The following AKAP19 variants were observed in gnomAD, a reference collection of about 807,000 sequenced individuals.
AKAP19 encodes the protein small A-kinase anchoring protein.
chr2:189,973,645 A>G, the AKAP19 span, among the ~76,000 whole-genome samples: 3 of 152,122 alleles, frequency 2.0e-5, no homozygotes, highest in Admixed American at 6.5e-5. Flanking sequence ...GCTATTAAGT[A>G]TTGCCTCAAT....
the AKAP19 span, among the ~76,000 whole-genome samples, chr2:189,954,918 C>A: frequency 6.6e-6 from 1 of 152,056 alleles, no homozygotes; most frequent in Non-Finnish European, 1.5e-5. Flanking sequence ...TATCTTTAAA[C>A]TATTCAGTTA....
At chr2:190,179,136 G>C in the AKAP19 span, among the ~76,000 whole-genome samples, 1 of 152,092 alleles carries the variant, frequency 6.6e-6, no homozygotes, top group African/African-American at 2.4e-5. This position sits in a 1 kb window ranked among gnomAD's most constrained non-coding sequence, Gnocchi z 6.0. Context: ...GGCTGGGTGC[G>C]GTGGCTCACA....
the AKAP19 span, among the ~76,000 whole-genome samples, chr2:190,038,913 C>CTTT: frequency 2.6e-5 from 3 of 113,656 alleles, no homozygotes; most frequent in Admixed American, 8.4e-5. Flanking sequence ...TCTTCTTCTT[C>CTTT]TTCTTCTTCT....
At chr2:190,140,181 G>T in the AKAP19 span, among the ~76,000 whole-genome samples, 180 of 152,292 alleles carry the variant, frequency 1.2e-3, no homozygotes, top group African/African-American at 4.1e-3. Context: ...GTCTTGGTTA[G>T]CTCTACCCCT....
At chr2:190,099,952 T>C in the AKAP19 span, among the ~76,000 whole-genome samples, 1 of 152,106 alleles carries the variant, frequency 6.6e-6, no homozygotes, top group Admixed American at 6.6e-5. Context: ...AAAGGAAACT[T>C]CAAGTCAGAG....
the AKAP19 span, among the ~76,000 whole-genome samples, chr2:190,198,084 TTTAAAA>T: frequency 6.6e-6 from 1 of 152,170 alleles, no homozygotes. Flanking sequence ...TTGTTTCCCT[TTTAAAA>T]TTAACATCTC....
At chr2:190,041,711 G>A in the AKAP19 span, among the ~76,000 whole-genome samples, 1 of 152,224 alleles carries the variant, frequency 6.6e-6, no homozygotes, top group South Asian at 2.1e-4. Context: ...TTTATTGAGA[G>A]TTTTTATGTT....
chr2:190,048,955 A>C, the AKAP19 span, among the ~76,000 whole-genome samples: 1 of 152,206 alleles, frequency 6.6e-6, no homozygotes, highest in East Asian at 1.9e-4. Context: ...AAAGTATTAA[A>C]ATAAAATATA....
the AKAP19 span, among the ~76,000 whole-genome samples, chr2:190,162,291 T>G: frequency 6.6e-6 from 1 of 152,154 alleles, no homozygotes; most frequent in Non-Finnish European, 1.5e-5. Context: ...CATATTAATT[T>G]TATAACTTTC....
At chr2:190,062,171 C>T in the AKAP19 span, 1 of 1,597,792 alleles carries the variant, frequency 6.3e-7, no homozygotes, top group South Asian at 1.1e-5. Context: ...TTCTCATAAA[C>T]ACTAGAACAA....
chr2:190,129,552 A>G, the AKAP19 span, among the ~76,000 whole-genome samples: 1 of 151,756 alleles, frequency 6.6e-6, no homozygotes, highest in South Asian at 2.1e-4. Flanking sequence ...CACAATACTG[A>G]AAAATGAAAG....
the AKAP19 span, among the ~76,000 whole-genome samples, chr2:189,921,342 G>A: frequency 1.3e-5 from 2 of 152,162 alleles, no homozygotes; most frequent in African/African-American, 4.8e-5. Context: ...AGAATAAAAT[G>A]GTCAGCTGTG....
chr2:189,989,653 A>C, the AKAP19 span, among the ~76,000 whole-genome samples: 1 of 152,288 alleles, frequency 6.6e-6, no homozygotes, highest in East Asian at 1.9e-4. Flanking sequence ...TTCTCCTAAT[A>C]ATACAACTAT....
At chr2:190,037,251 A>C in the AKAP19 span, among the ~76,000 whole-genome samples, 2 of 152,240 alleles carry the variant, frequency 1.3e-5, no homozygotes, top group Non-Finnish European at 2.9e-5. Flanking sequence ...ACACAGTCCC[A>C]CAGTAATATT....
chr2:189,975,928 A>G, the AKAP19 span, among the ~76,000 whole-genome samples: 1 of 152,096 alleles, frequency 6.6e-6, no homozygotes, highest in Admixed American at 6.6e-5. Context: ...TTGGGTTCAG[A>G]CTTCCTCCTT....
At chr2:189,900,243 G>A in the AKAP19 span, among the ~76,000 whole-genome samples, 1 of 151,604 alleles carries the variant, frequency 6.6e-6, no homozygotes, top group Admixed American at 6.6e-5. Context: ...ATGCCCATTT[G>A]TTTGTTTCTT....
At chr2:189,960,265 C>A in the AKAP19 span, among the ~76,000 whole-genome samples, 3 of 152,092 alleles carry the variant, frequency 2.0e-5, no homozygotes, top group Admixed American at 6.5e-5. Flanking sequence ...AATATACATA[C>A]AAAAGACAAC....
At chr2:190,115,305 T>A in the AKAP19 span, among the ~76,000 whole-genome samples, 662 of 8,622 alleles carry the variant, frequency 0.077, no homozygotes, top group African/African-American at 0.096. Flanking sequence ...ATATATATTT[T>A]TTTTTTTTTT....
the AKAP19 span, among the ~76,000 whole-genome samples, chr2:190,044,608 G>C: frequency 6.6e-6 from 1 of 152,122 alleles, no homozygotes; most frequent in East Asian, 1.9e-4. Flanking sequence ...GCTCTGGTGG[G>C]GGGTGACTGG....
Sources: allele counts gnomAD v4.1 joint callset (sites outside exome capture counted in the v4.1 genomes callset), GRCh38; gene constraint gnomAD v4.1.1; non-coding constraint Gnocchi (gnomAD v3.1); transcripts MANE v1.5; gene names NCBI Gene and HGNC (gene_info 2026-07-23, HGNC 2026-07-21).